The following SRPK2 variants were observed in gnomAD, a reference collection of about 807,000 sequenced individuals.
SRPK2 encodes the protein SFRS protein kinase 2.
Under a neutral mutation model 90.8 loss-of-function variants are expected in SRPK2, and 21 were observed. The ratio of observed to expected loss-of-function variants is 0.23; its 90% CI spans 0.16 to 0.33. The LOEUF (loss-of-function observed/expected upper bound fraction) is 0.33. Among genes scored for constraint, SRPK2 ranks in the 10% least tolerant of loss-of-function variants. The pLI is 1.00. For synonymous variants in SRPK2, 288 were observed against 311.1 expected (o/e 0.93, Z 0.78); for missense variants, 620 against 869.0 (o/e 0.71, Z 3.60).
rs1396927808 is a variant in SRPK2, at chr7:105,146,477, G to A, written c.787+16C>T. 5 of 1,612,634 alleles carry A rather than the reference G, an allele frequency of 3.1e-6. No individual in the cohort carries two copies. The African/African-American group carries it at 6.7e-5, about 22-fold the overall frequency. On this transcript the variant is annotated intron_variant, in intron 8 of 15. Transcript: ENST00000393651. ...AATGCCCCCACACTGAAATGAAGCT[G>A]GCTCAGCTCCCTCACCTGCAGACCC... is the stretch of plus-strand genomic sequence containing the variant.
intron 2 of SRPK2, among the ~76,000 whole-genome samples, chr7:105,231,088 C>G (rs1156803552): frequency 6.6e-6 from 1 of 152,156 alleles, no homozygotes. Flanking sequence ...TTTTCACCCT[C>G]CCTCGCCAAG....
intron 3 of SRPK2, among the ~76,000 whole-genome samples, chr7:105,184,183 TG>T (rs1283406492): frequency 1.3e-5 from 2 of 151,634 alleles, no homozygotes; most frequent in African/African-American, 4.8e-5. Flanking sequence ...TTTACTATGT[TG>T]GTCAGGCTGG....
At chr7:105,178,348 T>C (rs1792268568) in intron 3 of SRPK2, among the ~76,000 whole-genome samples, 1 of 152,112 alleles carries the variant, frequency 6.6e-6, no homozygotes, top group South Asian at 2.1e-4. Flanking sequence ...CTGGAAGAAA[T>C]TCAAAAGCAG....
chr7:105,316,953 T>A (rs1812378327), intron 2 of SRPK2, among the ~76,000 whole-genome samples: 2 of 152,218 alleles, frequency 1.3e-5, no homozygotes, highest in South Asian at 2.1e-4. Flanking sequence ...AGGAATGTCA[T>A]AAACATCTGT....
intron 2 of SRPK2, among the ~76,000 whole-genome samples, chr7:105,280,630 T>C (rs1483927293): frequency 3.4e-5 from 4 of 119,266 alleles, no homozygotes; most frequent in Non-Finnish European, 6.6e-5. Context: ...TATTTACATG[T>C]ATAAGAAAAC....
intron 2 of SRPK2, among the ~76,000 whole-genome samples, chr7:105,337,975 G>A (rs919213340): frequency 6.6e-6 from 1 of 151,490 alleles, no homozygotes; most frequent in Non-Finnish European, 1.5e-5. Context: ...CTTAATGATT[G>A]TTAAATTTAG....
At chr7:105,315,815 G>C (rs1209387565) in intron 2 of SRPK2, among the ~76,000 whole-genome samples, 1 of 152,112 alleles carries the variant, frequency 6.6e-6, no homozygotes, top group Non-Finnish European at 1.5e-5. Flanking sequence ...TGGATAAGTT[G>C]TATTTGACAT....
intron 2 of SRPK2, among the ~76,000 whole-genome samples, chr7:105,333,138 G>C (rs935713722): frequency 6.6e-6 from 1 of 152,292 alleles, no homozygotes; most frequent in East Asian, 1.9e-4. Context: ...AGGTTGCAGT[G>C]AGCCCAGATC....
intron 1 of SRPK2, among the ~76,000 whole-genome samples, chr7:105,398,690 G>T (rs1822393923): frequency 6.6e-6 from 1 of 152,122 alleles, no homozygotes; most frequent in Admixed American, 6.6e-5. Flanking sequence ...ATTCAATTAT[G>T]AAGCTTAAAC....
At chr7:105,392,402 C>T (rs1247602880), upstream of SRPK2, among the ~76,000 whole-genome samples, 2 of 152,176 alleles carry the variant, frequency 1.3e-5, no homozygotes, top group African/African-American at 4.8e-5. Flanking sequence ...TGGGGTGATA[C>T]TTTGAAACTG....
At position 105,142,179 on chromosome 7, in the gene SRPK2, C is replaced by T. The variant is rs781614045; in HGVS notation, c.1372G>A (p.Glu458Lys). 5.6e-6 allele frequency: 9 copies of T among 1,614,082 alleles called. No individual in the cohort carries two copies. Among genetic ancestry groups the T allele is most frequent in the South Asian group, 3.3e-5 (3 of 91,076 alleles). Reference sequence around the variant, plus strand: ...GTGGAAAACTCTGGGAACTGTGACTCGGGAATTTTATGTCGTCCATTTGGC... The same window carrying T: ...GTGGAAAACTCTGGGAACTGTGACTTGGGAATTTTATGTCGTCCATTTGGC... The part of the protein sequence containing the change: ...ELPNGRHKIP[E>K]SQFPEFSTSL... Residue 458 changes from glutamate (E) to lysine (K), a missense_variant, in exon 11 of 16, where the codon GAG (glutamate) becomes AAG (lysine). Glu to Lys is a moderately conservative substitution (Grantham distance 56). This residue lies in a region of SRPK2 where 243 missense variants were observed against 245.7 expected (regional missense o/e 0.99). Coordinates refer to ENST00000393651, the MANE Select transcript of SRPK2 (RefSeq NM_182692.3).
intron 2 of SRPK2, among the ~76,000 whole-genome samples, 199 bp downstream of exon 2, chr7:105,388,449 C>A (rs1289356201): frequency 6.8e-6 from 1 of 147,430 alleles, no homozygotes; most frequent in Non-Finnish European, 1.5e-5. Flanking sequence ...GCTAGGGAAC[C>A]GGCCGCGGCC....
At chr7:105,305,319 A>G (rs1811022570) in intron 2 of SRPK2, among the ~76,000 whole-genome samples, 1 of 151,974 alleles carries the variant, frequency 6.6e-6, no homozygotes, top group South Asian at 2.1e-4. Flanking sequence ...GGTGGTGGGC[A>G]CCTGTAATCC....
At chr7:105,304,008 A>G (rs1810882109) in intron 2 of SRPK2, among the ~76,000 whole-genome samples, 1 of 152,214 alleles carries the variant, frequency 6.6e-6, no homozygotes, top group African/African-American at 2.4e-5. Context: ...ACGACCTGAA[A>G]ACATGAAATT....
chr7:105,165,160 C>G (rs1789872168), intron 6 of SRPK2, among the ~76,000 whole-genome samples: 1 of 152,178 alleles, frequency 6.6e-6, no homozygotes. Context: ...CTGGAGCTAC[C>G]CTTTGCCAAC....
At chr7:105,155,058 G>A (rs1214980110) in intron 7 of SRPK2, among the ~76,000 whole-genome samples, 1 of 151,806 alleles carries the variant, frequency 6.6e-6, no homozygotes, top group African/African-American at 2.4e-5. Context: ...TCGGCTCACT[G>A]CAGCCTCCGC....
At chr7:105,244,844 C>CA in intron 2 of SRPK2, 1 of 1,113,496 alleles carries the variant, frequency 9.0e-7, no homozygotes, top group Non-Finnish European at 1.4e-6. Context: ...GAAAGGTCTC[C>CA]AAAGACAAAC....
chr7:105,289,249 G>A (rs1173334531), intron 2 of SRPK2, among the ~76,000 whole-genome samples: 2 of 151,684 alleles, frequency 1.3e-5, no homozygotes, highest in Non-Finnish European at 2.9e-5. Flanking sequence ...ACTCCAGCCT[G>A]GGCGACAGAA....
intron 7 of SRPK2, among the ~76,000 whole-genome samples, chr7:105,149,511 G>T (rs1009583538): frequency 4.6e-5 from 7 of 152,054 alleles, no homozygotes; most frequent in African/African-American, 1.4e-4. Flanking sequence ...CTCAGAGACC[G>T]GTGCCGGTGC....
Sources: gnomAD v4.1 joint callset for allele counts (sites outside exome capture counted in the v4.1 genomes callset) on GRCh38, gnomAD v4.1.1 for gene constraint, gnomAD v4.1.1 regional missense constraint, MANE v1.5 for transcripts, NCBI Gene and HGNC (gene_info 2026-07-23, HGNC 2026-07-21) for gene names.